PACRG: variants seen among roughly 807,000 people sequenced by gnomAD.
PACRG encodes the protein parkin coregulated gene protein.
In PACRG, 29 loss-of-function variants were observed where a neutral mutation model predicts 29.7. That is an observed-to-expected ratio of 0.98 (90% CI 0.73 to 1.33). The LOEUF is 1.33. Among genes scored for constraint, PACRG ranks in the 40% most tolerant of loss-of-function variants. The probability of loss-of-function intolerance (pLI) is 0.00; values close to 1 mark genes in which losing one functional copy is unlikely to be tolerated. For synonymous variants in PACRG, 116 were observed against 118.7 expected (o/e 0.98, Z 0.15); for missense variants, 279 against 316.2 (o/e 0.88, Z 0.89).
At chr6:163,261,490 C>T (rs1439055177) in intron 4 of PACRG, among the ~76,000 whole-genome samples, 2 of 152,108 alleles carry the variant, frequency 1.3e-5, no homozygotes, top group Non-Finnish European at 2.9e-5. Context: ...TGCTGGCCTC[C>T]CATTATCACC....
At chr6:163,083,906 C>CA (rs200834620) in intron 3 of PACRG, among the ~76,000 whole-genome samples, 115 of 146,426 alleles carry the variant, frequency 7.9e-4, no homozygotes, top group African/African-American at 1.5e-3. Context: ...TCTCACTTTG[C>CA]AAAAAAAAAA....
chr6:163,021,678 C>T (rs35365996), intron 2 of PACRG, among the ~76,000 whole-genome samples: 1 of 152,166 alleles, frequency 6.6e-6, no homozygotes, highest in Admixed American at 6.5e-5. Context: ...GGCTCCTTCC[C>T]TGAAGTCCAG....
chr6:162,843,137 G>A (rs1355525857), intron 2 of PACRG, among the ~76,000 whole-genome samples: 6 of 141,706 alleles, frequency 4.2e-5, no homozygotes, highest in African/African-American at 7.9e-5. Context: ...GAATCTGAAC[G>A]TTGGCCTGCC....
chr6:163,077,146 G>A (rs1243299320), intron 3 of PACRG, among the ~76,000 whole-genome samples: 2 of 152,052 alleles, frequency 1.3e-5, no homozygotes, highest in African/African-American at 4.8e-5. Flanking sequence ...ACAGATGAAG[G>A]GTATAATGAT....
intron 2 of PACRG, among the ~76,000 whole-genome samples, chr6:162,956,608 C>T (rs1039672078): frequency 4.6e-5 from 7 of 152,186 alleles, no homozygotes; most frequent in Non-Finnish European, 7.3e-5. Flanking sequence ...AATCCCTCCT[C>T]GCCTCTTCCA....
intron 1 of PACRG, among the ~76,000 whole-genome samples, chr6:162,781,799 A>G (rs1784113419): frequency 6.6e-6 from 1 of 151,832 alleles, no homozygotes; most frequent in African/African-American, 2.4e-5. Flanking sequence ...GATATAAAAC[A>G]CAATAATAAA....
chr6:163,115,352 A>G (rs1815929496), intron 4 of PACRG, among the ~76,000 whole-genome samples: 1 of 152,138 alleles, frequency 6.6e-6, no homozygotes, highest in South Asian at 2.1e-4. Context: ...GCAGAGAGCT[A>G]CTTTATGCTT....
intron 2 of PACRG, among the ~76,000 whole-genome samples, chr6:163,049,305 T>C (rs1227902876): frequency 6.6e-6 from 1 of 152,042 alleles, no homozygotes; most frequent in African/African-American, 2.4e-5. Flanking sequence ...CAATCCACAG[T>C]TGGAAACTTA....
In PACRG at chr6:163,224,821, G is replaced by A. The variant is rs1191683015; in HGVS notation, c.614-90006G>A. Reference sequence around the variant, plus strand: ...TTTTTGATATAACCCAAAAGGCACAGGCAACAAAAGCAAAACTAGATAAAT... The same window carrying A: ...TTTTTGATATAACCCAAAAGGCACAAGCAACAAAAGCAAAACTAGATAAAT... On this transcript the variant is annotated intron_variant, in intron 4 of 4. Coordinates refer to ENST00000366888, the MANE Select transcript of PACRG (RefSeq NM_001080379.2). Among the ~76,000 whole-genome samples, 6 of 151,872 alleles carry A rather than the reference G, an allele frequency of 4.0e-5. No individual in the cohort carries two copies. The East Asian group carries it at 1.2e-3, about 29-fold the overall frequency.
At chr6:163,233,373 G>A (rs1782121076) in intron 4 of PACRG, among the ~76,000 whole-genome samples, 1 of 152,186 alleles carries the variant, frequency 6.6e-6, no homozygotes, top group African/African-American at 2.4e-5. Flanking sequence ...GAGGCTGCAG[G>A]GGCATTTTAC....
At chr6:162,822,221 G>A (rs891635795) in intron 2 of PACRG, among the ~76,000 whole-genome samples, 31 of 152,006 alleles carry the variant, frequency 2.0e-4, no homozygotes, top group Non-Finnish European at 8.8e-5. Context: ...AGTTTTCAGC[G>A]GTCATTACTA....
chr6:163,108,383 T>C (rs961024789), intron 4 of PACRG, among the ~76,000 whole-genome samples: 1 of 144,206 alleles, frequency 6.9e-6, no homozygotes, highest in Non-Finnish European at 1.5e-5. Context: ...TTATACCTCT[T>C]CTCTTTCCCT....
At chr6:163,084,026 T>C (rs1585175373) in intron 3 of PACRG, among the ~76,000 whole-genome samples, 1 of 152,330 alleles carries the variant, frequency 6.6e-6, no homozygotes, top group South Asian at 2.1e-4. Flanking sequence ...TCCTTATTCT[T>C]CAGCAATTTC....
intron 4 of PACRG, among the ~76,000 whole-genome samples, chr6:163,268,874 T>C (rs1047295503): frequency 2.6e-5 from 4 of 152,244 alleles, no homozygotes; most frequent in Non-Finnish European, 4.4e-5. Flanking sequence ...GCTGCTGGCC[T>C]GGGTGGAAAC....
chr6:162,951,812 T>G lies in PACRG; in HGVS notation c.292-110338T>G, dbSNP rs1799673913. Among the ~76,000 whole-genome samples, 12 of 152,200 alleles carry G rather than the reference T, an allele frequency of 7.9e-5. No homozygotes were observed. In the South Asian group the frequency reaches 2.5e-3, roughly 32 times the overall value. On this transcript the variant is annotated intron_variant, in intron 2 of 4. Transcript: ENST00000366888. The stretch of plus-strand genomic sequence containing the variant: ...GCTGATGGTTTTTTAAAAGGGCCAG[T>G]CTGTTCAGTTTTTTGCTCTCGTTGT...
At chr6:163,135,322 G>GCCAGCTACA (rs1816890699) in intron 4 of PACRG, among the ~76,000 whole-genome samples, 1 of 151,966 alleles carries the variant, frequency 6.6e-6, no homozygotes, top group Non-Finnish European at 1.5e-5. Flanking sequence ...CCAAGTAGCT[G>GCCAGCTACA]GGACTACAGG....
At chr6:163,256,624 G>A (rs1231822170) in intron 4 of PACRG, among the ~76,000 whole-genome samples, 1 of 152,190 alleles carries the variant, frequency 6.6e-6, no homozygotes, top group Non-Finnish European at 1.5e-5. Context: ...CACATGCAAA[G>A]GCCCCAAGAA....
At chr6:162,801,521 A>G (rs1330838532) in intron 1 of PACRG, among the ~76,000 whole-genome samples, 1 of 152,222 alleles carries the variant, frequency 6.6e-6, no homozygotes, top group East Asian at 1.9e-4. Flanking sequence ...ATCAAAAGGC[A>G]ATGGTAATTT....
At chr6:163,199,121 G>C (rs1389347004) in intron 4 of PACRG, among the ~76,000 whole-genome samples, 2 of 152,182 alleles carry the variant, frequency 1.3e-5, no homozygotes, top group Admixed American at 6.5e-5. Context: ...CTTTTCCCTT[G>C]AGCTTAGTGA....
Sources: allele counts gnomAD v4.1 joint callset (sites outside exome capture counted in the v4.1 genomes callset), GRCh38; gene constraint gnomAD v4.1.1; transcripts MANE v1.5; gene names NCBI Gene and HGNC (gene_info 2026-07-23, HGNC 2026-07-21).